Variants in FAM13A observed in about 807,000 individuals in gnomAD.
FAM13A encodes the protein protein FAM13A.
Under a neutral mutation model 129.6 loss-of-function variants are expected in FAM13A, and 76 were observed. That is an observed-to-expected ratio of 0.59 (90% confidence interval 0.49 to 0.71). The LOEUF (loss-of-function observed/expected upper bound fraction) is 0.71. FAM13A is among the 30% of genes least tolerant of loss of function. FAM13A has a pLI of 0.00. For synonymous variants in FAM13A, 443 were observed against 449.9 expected, an observed-to-expected ratio of 0.98 and a Z score of 0.20; for missense variants, 1,108 against 1,249.3, an observed-to-expected ratio of 0.89 and a Z score of 1.70.
At chr4:88,930,858 T>C (rs1752922000) in intron 5 of FAM13A, among the ~76,000 whole-genome samples, 1 of 152,134 alleles carries the variant, frequency 6.6e-6, no homozygotes, top group Non-Finnish European at 1.5e-5. Flanking sequence ...TATTCTGCAG[T>C]CCCACAGCCG....
At chr4:89,015,608 T>G (rs1795740) in intron 3 of FAM13A, among the ~76,000 whole-genome samples, 15,959 of 152,292 alleles carry the variant, frequency 0.1, 904 homozygotes, top group African/African-American at 0.14. Context: ...ATACATCATT[T>G]TACTTAAAGT....
chr4:88,988,601 G>A (rs1253942773), intron 4 of FAM13A, among the ~76,000 whole-genome samples: 2 of 151,980 alleles, frequency 1.3e-5, no homozygotes, highest in Non-Finnish European at 2.9e-5. Flanking sequence ...TAATCATTAT[G>A]CTCCTTCAAA....
chr4:88,781,090 T>C (rs1560972949), intron 11 of FAM13A, 75 bp downstream of exon 11: 1 of 1,083,444 alleles, frequency 9.2e-7, no homozygotes, highest in Non-Finnish European at 1.3e-6. Context: ...AAATTACTTT[T>C]AATTTTTTTA....
At chr4:88,763,447 G>A (rs1046488241) in intron 13 of FAM13A, among the ~76,000 whole-genome samples, 2 of 152,164 alleles carry the variant, frequency 1.3e-5, no homozygotes, top group Admixed American at 6.5e-5. Flanking sequence ...TAAAAGAAAC[G>A]TAGGATGCCA....
At chr4:88,934,681 A>G (rs902177846) in intron 5 of FAM13A, among the ~76,000 whole-genome samples, 1 of 152,228 alleles carries the variant, frequency 6.6e-6, no homozygotes, top group Non-Finnish European at 1.5e-5. Flanking sequence ...TGACAAAATA[A>G]AAATGTTCCT....
At chr4:88,886,929 A>G (rs1744521470) in intron 6 of FAM13A, among the ~76,000 whole-genome samples, 3 of 151,934 alleles carry the variant, frequency 2.0e-5, no homozygotes, top group Admixed American at 2.0e-4. Flanking sequence ...GAAAGAAATT[A>G]TGATATATAT....
intron 2 of FAM13A, 130 bp from the exon 3 acceptor site, chr4:89,020,799 G>A (rs1767159728): frequency 1.5e-6 from 1 of 655,566 alleles, no homozygotes; most frequent in Non-Finnish European, 2.6e-6. Flanking sequence ...CAATCATTGT[G>A]TAATTTTCAC....
rs915640268 is a variant in FAM13A at position 88,991,147 on chromosome 4, C to T, written c.431G>A (p.Gly144Asp). 2.3e-5 allele frequency: 37 copies of T among 1,604,486 alleles called. No individual in the cohort carries two copies. The highest frequency in any genetic ancestry group is 3.1e-5 in the Non-Finnish European group (37 of 1,176,086). The part of the protein sequence containing the change: ...QPRFIQLFQD[G>D]RNDVQESSLR... ...GCTACTCTCCTGAACATCATTTCTG[C>T]CATCTGGAAAAAAAAAGAATAAAAA... Residue 144 changes from glycine to aspartate, a missense_variant, in exon 4 of 24, where the codon GGC becomes GAC. By Grantham distance (94) the Gly-to-Asp change is moderately conservative. This residue lies in a region of FAM13A where 566 missense variants were observed against 595.7 expected (regional missense o/e 0.95). Coordinates refer to ENST00000264344, the MANE Select transcript of FAM13A (RefSeq NM_014883.4).
At chr4:88,799,942 T>C (rs1227205874) in intron 8 of FAM13A, among the ~76,000 whole-genome samples, 1 of 152,222 alleles carries the variant, frequency 6.6e-6, no homozygotes, top group Non-Finnish European at 1.5e-5. Flanking sequence ...CAAAATGTAG[T>C]ATATACATAG....
At position 88,948,493 on chromosome 4, in the gene FAM13A, C is replaced by CT. The variant is rs112503453; in HGVS notation, c.606-10253dup. On this transcript the variant is annotated intron_variant, in intron 4 of 23. Coordinates refer to ENST00000264344, the MANE Select transcript of FAM13A (RefSeq NM_014883.4). ...TTGGAATGATGGAAATGGCCTGTAT[C>CT]TTTTTTTTTTTTTGAGACAGAGTCT... Among the ~76,000 whole-genome samples, 1,134 of 144,080 alleles carry CT rather than the reference C, an allele frequency of 7.9e-3. 8 individuals carry two copies. The highest frequency in any genetic ancestry group is 0.025 in the African/African-American group (983 of 39,672). 94.5% of individuals were successfully genotyped at this position (144,080 alleles called of 152,430 possible). A position where few individuals can be genotyped will look rare whatever the true frequency, so the allele number is the denominator to read the frequency against.
At chr4:88,736,870 G>A (rs931027060) in intron 21 of FAM13A, among the ~76,000 whole-genome samples, 31 of 152,176 alleles carry the variant, frequency 2.0e-4, no homozygotes, top group Admixed American at 1.2e-3. Flanking sequence ...CGTAGATTAA[G>A]AGCAGATTTT....
At chr4:88,816,323 T>C (rs1476378484) in intron 7 of FAM13A, among the ~76,000 whole-genome samples, 2 of 152,212 alleles carry the variant, frequency 1.3e-5, no homozygotes, top group Non-Finnish European at 2.9e-5. Context: ...GCTTATATAA[T>C]AACTAAGGGT....
At chr4:88,996,353 G>C (rs1763538403) in intron 3 of FAM13A, among the ~76,000 whole-genome samples, 1 of 152,194 alleles carries the variant, frequency 6.6e-6, no homozygotes, top group Admixed American at 6.5e-5. Context: ...GATTACTTAA[G>C]AGGTTACTGT....
At chr4:88,979,935 C>T (rs542542778) in intron 4 of FAM13A, among the ~76,000 whole-genome samples, 1 of 152,272 alleles carries the variant, frequency 6.6e-6, no homozygotes, top group Non-Finnish European at 1.5e-5. Context: ...CATGCCACTG[C>T]ACTCCAGCCT....
At chr4:89,043,930 C>T (rs985712739) in intron 1 of FAM13A, among the ~76,000 whole-genome samples, 5 of 151,722 alleles carry the variant, frequency 3.3e-5, no homozygotes, top group Admixed American at 2.6e-4. Flanking sequence ...ATCAATCAAT[C>T]AATCAATAAG....
chr4:88,760,830 T>A (rs911261782), intron 13 of FAM13A, among the ~76,000 whole-genome samples: 8 of 148,974 alleles, frequency 5.4e-5, no homozygotes, highest in African/African-American at 2.0e-4. Flanking sequence ...ATCATGAGTG[T>A]GCCTGGGTTG....
intron 4 of FAM13A, among the ~76,000 whole-genome samples, chr4:88,958,320 C>T (rs1758086419): frequency 6.6e-6 from 1 of 152,212 alleles, no homozygotes; most frequent in Non-Finnish European, 1.5e-5. Flanking sequence ...ACACTGCTGC[C>T]TGCATCTCAG....
chr4:88,846,512 T>C (rs17014707), intron 7 of FAM13A, among the ~76,000 whole-genome samples: 12,454 of 152,226 alleles, frequency 0.082, 847 homozygotes, highest in African/African-American at 0.18. Context: ...GTATGAAGGA[T>C]AAAAATCTCT....
chr4:88,800,565 A>T lies in FAM13A; in HGVS notation c.1049+4446T>A, dbSNP rs1578718183. On this transcript the variant is annotated intron_variant, in intron 8 of 23. Transcript: ENST00000264344. The stretch of plus-strand genomic sequence containing the variant: ...CCAGGTGTAGTGGCGGGTGCCTGTA[A>T]TCCCAGCTACTCTGGAGGCTGAGGC... Among the ~76,000 whole-genome samples the T allele has an allele frequency of 2.6e-5, 4 of 151,644 alleles. No homozygotes were observed. The South Asian group carries it at 8.3e-4, about 32-fold the overall frequency.
Sources: allele counts gnomAD v4.1 joint callset (sites outside exome capture counted in the v4.1 genomes callset), GRCh38; gene constraint gnomAD v4.1.1; regional missense constraint gnomAD v4.1.1; transcripts MANE v1.5; gene names NCBI Gene and HGNC (gene_info 2026-07-23, HGNC 2026-07-21).